Variants in KYNU observed in about 807,000 individuals in gnomAD.
KYNU encodes L-kynurenine hydrolase.
A neutral mutation model predicts 59.2 loss-of-function variants in KYNU; 54 were observed. That is an observed-to-expected ratio of 0.91 (90% CI 0.73 to 1.14). KYNU has a LOEUF of 1.14. Ranked by LOEUF, KYNU falls within the 50% of genes most tolerant of loss-of-function variation. The pLI is 0.00. For synonymous variants in KYNU, 177 were observed against 192.0 expected, an observed-to-expected ratio of 0.92 and a Z score of 0.65; for missense variants, 567 against 554.4, an observed-to-expected ratio of 1.02 and a Z score of -0.23.
At chr2:142,886,708 C>T (rs1275356113) in intron 2 of KYNU, among the ~76,000 whole-genome samples, 2 of 152,074 alleles carry the variant, frequency 1.3e-5, no homozygotes, top group Non-Finnish European at 2.9e-5. Context: ...GAATTCTTAA[C>T]GGAAATGGGA....
intron 2 of KYNU, among the ~76,000 whole-genome samples, chr2:142,890,460 G>A (rs1681675883): frequency 6.6e-6 from 1 of 151,984 alleles, no homozygotes; most frequent in Admixed American, 6.6e-5. Flanking sequence ...CACTAACTTT[G>A]GGGATCAGTA....
At chr2:142,928,437 G>C (rs1683108256) in intron 4 of KYNU, among the ~76,000 whole-genome samples, 1 of 152,070 alleles carries the variant, frequency 6.6e-6, no homozygotes, top group African/African-American at 2.4e-5. Flanking sequence ...AGGACTTAGG[G>C]AAAACTCAAG....
chr2:143,042,017 C>T, intron 13 of KYNU, 30 bp from the exon 14 acceptor site: 13 of 1,608,908 alleles, frequency 8.1e-6, no homozygotes, highest in Non-Finnish European at 1.1e-5. Flanking sequence ...ATAATGCTAA[C>T]ATTATTGTGG....
intron 8 of KYNU, among the ~76,000 whole-genome samples, chr2:142,975,407 G>A (rs1405137428): frequency 1.3e-5 from 2 of 152,158 alleles, no homozygotes; most frequent in East Asian, 1.9e-4. Flanking sequence ...TTAAGTCCCT[G>A]TGACCTCATT....
At chr2:143,037,383 A>G (rs181985951) in intron 12 of KYNU, among the ~76,000 whole-genome samples, 30 of 152,350 alleles carry the variant, frequency 2.0e-4, no homozygotes, top group Non-Finnish European at 3.5e-4. Flanking sequence ...GTGTAGCGAT[A>G]GGTAGACAAT....
chr2:142,979,604 A>G (rs1483221465), intron 8 of KYNU, among the ~76,000 whole-genome samples: 3 of 152,080 alleles, frequency 2.0e-5, no homozygotes, highest in Non-Finnish European at 4.4e-5. Context: ...AGAGAAGTCT[A>G]TATGGGGTAT....
chr2:143,029,839 A>C (rs1686692262), intron 11 of KYNU, among the ~76,000 whole-genome samples, 160 bp downstream of exon 11: 1 of 152,220 alleles, frequency 6.6e-6, no homozygotes, highest in Non-Finnish European at 1.5e-5. Flanking sequence ...AGAGTGTAAG[A>C]CTAAGAGTTT....
At chr2:142,908,401 A>G (rs1048854077) in intron 2 of KYNU, among the ~76,000 whole-genome samples, 1 of 151,650 alleles carries the variant, frequency 6.6e-6, no homozygotes, top group African/African-American at 2.4e-5. Context: ...TTAAATTGAG[A>G]AGTCTGTTTT....
chr2:142,930,956 A>C (rs1205101525), intron 4 of KYNU, among the ~76,000 whole-genome samples: 4 of 152,230 alleles, frequency 2.6e-5, no homozygotes, highest in Non-Finnish European at 5.9e-5. Flanking sequence ...CTAAAATGGC[A>C]TCAGCACCAA....
chr2:142,988,716 TTTA>T, intron 10 of KYNU: 1 of 764,956 alleles, frequency 1.3e-6, no homozygotes, highest in South Asian at 1.4e-5. Context: ...TGTTTTTCTG[TTTA>T]TTGTTTTCTC....
intron 10 of KYNU, among the ~76,000 whole-genome samples, 199 bp downstream of exon 10, chr2:142,986,220 A>C (rs1558960383): frequency 6.6e-6 from 1 of 151,996 alleles, no homozygotes; most frequent in Non-Finnish European, 1.5e-5. Context: ...TTGAACAAGA[A>C]ATTTAATCAA....
rs1379126082 is a variant in KYNU at position 143,046,715 on chromosome 2, A to G, written c.*4543A>G. The G allele has an allele frequency of 3.3e-5, 5 of 152,098 alleles. No individual in the cohort carries two copies. The highest frequency in any genetic ancestry group is 2.6e-4 in the Admixed American group (4 of 15,268). 9.4% of individuals were successfully genotyped at this position (152,098 alleles called of 1,614,324 possible). On this transcript the variant is annotated 3_prime_UTR_variant, in exon 14 of 14. Transcript: ENST00000264170. ...GCAGGGCCTGGCATCTGCTAGATTAAATCTCTCAGCTTCTTTTTATTAAGA... is the reference window on the plus strand; with the variant it reads ...GCAGGGCCTGGCATCTGCTAGATTAGATCTCTCAGCTTCTTTTTATTAAGA...
intron 3 of KYNU, 45 bp from the exon 4 acceptor site, chr2:142,927,614 T>C (rs927773540): frequency 1.5e-6 from 2 of 1,312,820 alleles, no homozygotes; most frequent in Non-Finnish European, 1.1e-6. Flanking sequence ...ATCACACACA[T>C]GCACATAAAA....
At chr2:142,938,135 A>C (rs1683457976) in intron 4 of KYNU, among the ~76,000 whole-genome samples, 1 of 152,190 alleles carries the variant, frequency 6.6e-6, no homozygotes, top group Admixed American at 6.5e-5. Flanking sequence ...GTTCTAGGAT[A>C]TATCTGTTTC....
At chr2:142,972,309 T>C (rs10928161) in intron 8 of KYNU, among the ~76,000 whole-genome samples, 12,313 of 152,130 alleles carry the variant, frequency 0.081, 671 homozygotes, top group East Asian at 0.21. Flanking sequence ...TTTACTCTTA[T>C]CCATCCAGCT....
intron 2 of KYNU, among the ~76,000 whole-genome samples, chr2:142,899,933 G>T (rs138716713): frequency 5.3e-5 from 8 of 152,114 alleles, no homozygotes; most frequent in Admixed American, 2.6e-4. Flanking sequence ...AGTGTTACTG[G>T]GGGGTTCTAG....
intron 4 of KYNU, among the ~76,000 whole-genome samples, chr2:142,941,169 C>T (rs1164801958): frequency 6.6e-6 from 1 of 152,148 alleles, no homozygotes; most frequent in Non-Finnish European, 1.5e-5. Context: ...GATGGGCAGC[C>T]CCCCATAGTG....
At chr2:143,006,078 C>A (rs1384647578) in intron 10 of KYNU, among the ~76,000 whole-genome samples, 1 of 152,154 alleles carries the variant, frequency 6.6e-6, no homozygotes, top group South Asian at 2.1e-4. Context: ...AGGAACAGCT[C>A]CGGTCTACAG....
At chr2:142,967,639 A>G (rs1184015391) in intron 8 of KYNU, 1 of 152,192 alleles carries the variant, frequency 6.6e-6, no homozygotes, top group Admixed American at 6.5e-5. Flanking sequence ...AAATATGAAT[A>G]TCCACCTCAG....
Sources: gnomAD v4.1 joint callset for allele counts (sites outside exome capture counted in the v4.1 genomes callset) on GRCh38, gnomAD v4.1.1 for gene constraint, MANE v1.5 for transcripts, NCBI Gene and HGNC (gene_info 2026-07-23, HGNC 2026-07-21) for gene names.